SPADH: variants seen among roughly 807,000 people sequenced by gnomAD.
SPADH encodes CUB domain-containing protein.
chr10:122,678,402 G>A, the SPADH span, among the ~76,000 whole-genome samples: 1 of 152,208 alleles, frequency 6.6e-6, no homozygotes, highest in Non-Finnish European at 1.5e-5. Flanking sequence ...AAGGAAGGCA[G>A]GAACCAGGGA....
At chr10:122,677,003 C>T in the SPADH span, 1 of 707,824 alleles carries the variant, frequency 1.4e-6, no homozygotes, top group Non-Finnish European at 1.7e-6. Context: ...CCATTTGACA[C>T]ACAATTTGAC....
At chr10:122,675,267 C>G in the SPADH span, among the ~76,000 whole-genome samples, 2 of 152,114 alleles carry the variant, frequency 1.3e-5, no homozygotes, top group Admixed American at 6.5e-5. Flanking sequence ...AGGAATGTCT[C>G]GGATAATTCA....
chr10:122,677,233 C>T, the SPADH span, among the ~76,000 whole-genome samples: 4 of 152,146 alleles, frequency 2.6e-5, no homozygotes, highest in Non-Finnish European at 4.4e-5. Context: ...CACACCTGCC[C>T]TCTGCCTGGA....
the SPADH span, among the ~76,000 whole-genome samples, chr10:122,677,992 T>C: frequency 1.3e-5 from 2 of 152,178 alleles, no homozygotes; most frequent in Non-Finnish European, 2.9e-5. Context: ...TCCCATATTG[T>C]CCCTTTGTCC....
the SPADH span, chr10:122,672,869 G>A: frequency 2.0e-6 from 2 of 985,324 alleles, no homozygotes; most frequent in South Asian, 9.4e-5. Context: ...GTTGGTGCCA[G>A]GCCCTGCTGA....
At chr10:122,677,430 A>G in the SPADH span, among the ~76,000 whole-genome samples, 2,110 of 152,270 alleles carry the variant, frequency 0.014, 42 homozygotes, top group African/African-American at 0.049. Flanking sequence ...TCTACACTGA[A>G]TTTATAGTGT....
chr10:122,676,720 CCCTGCAGTG>C, the SPADH span: 1 of 985,376 alleles, frequency 1.0e-6, no homozygotes, highest in South Asian at 4.7e-5. Flanking sequence ...CCTAGAGCAT[CCCTGCAGTG>C]CCTGGGCCCC....
the SPADH span, among the ~76,000 whole-genome samples, chr10:122,678,507 T>C: frequency 6.6e-6 from 1 of 152,158 alleles, no homozygotes; most frequent in Admixed American, 6.5e-5. Context: ...ATTCCCTGTT[T>C]GGGGAACTTG....
At chr10:122,673,735 C>T in the SPADH span, among the ~76,000 whole-genome samples, 2 of 152,120 alleles carry the variant, frequency 1.3e-5, no homozygotes, top group African/African-American at 4.8e-5. Context: ...TTGTTTCCTA[C>T]TCTCGTCACT....
chr10:122,672,899 C>T, the SPADH span: 11 of 985,356 alleles, frequency 1.1e-5, no homozygotes, highest in African/African-American at 1.7e-5. Flanking sequence ...TGTCCAGAGC[C>T]TTCGCTTGGC....
At chr10:122,675,561 A>G in the SPADH span, 6 of 453,902 alleles carry the variant, frequency 1.3e-5, no homozygotes, top group Non-Finnish European at 1.7e-5. Flanking sequence ...TTCACAGTGT[A>G]GTCATTTTCC....
At chr10:122,675,420 T>C in the SPADH span, among the ~76,000 whole-genome samples, 1 of 152,166 alleles carries the variant, frequency 6.6e-6, no homozygotes, top group Non-Finnish European at 1.5e-5. Flanking sequence ...TGAGAGCCGA[T>C]GCTTCCTTCC....
chr10:122,679,224 A>G, the SPADH span, among the ~76,000 whole-genome samples: 1 of 152,102 alleles, frequency 6.6e-6, no homozygotes, highest in Non-Finnish European at 1.5e-5. Flanking sequence ...CCTTCCAGAA[A>G]AAGGTACGGG....
the SPADH span, among the ~76,000 whole-genome samples, chr10:122,677,559 T>C: frequency 2.0e-5 from 3 of 152,238 alleles, no homozygotes; most frequent in Non-Finnish European, 4.4e-5. Context: ...GCATTTCCAA[T>C]GCAGCCTAAG....
chr10:122,676,279 C>A, the SPADH span, among the ~76,000 whole-genome samples: 2 of 152,192 alleles, frequency 1.3e-5, no homozygotes, highest in African/African-American at 2.4e-5. Context: ...TCTTTTCATC[C>A]TCAGTCACAC....
At chr10:122,678,246 T>G in the SPADH span, among the ~76,000 whole-genome samples, 4 of 152,102 alleles carry the variant, frequency 2.6e-5, no homozygotes, top group Non-Finnish European at 5.9e-5. Context: ...TAGGGAGGTC[T>G]CCTAGGACTG....
chr10:122,674,503 C>G, the SPADH span, among the ~76,000 whole-genome samples: 3 of 152,244 alleles, frequency 2.0e-5, no homozygotes, highest in Non-Finnish European at 4.4e-5. Flanking sequence ...TCTGGGGAAT[C>G]GTGATTTATT....
At chr10:122,676,670 A>C in the SPADH span, 4 of 955,594 alleles carry the variant, frequency 4.2e-6, no homozygotes, top group Non-Finnish European at 5.0e-6. Flanking sequence ...GAGAATCAGT[A>C]ATAACAGGGG....
the SPADH span, chr10:122,679,134 C>A: frequency 2.3e-6 from 1 of 427,980 alleles, no homozygotes; most frequent in Non-Finnish European, 3.1e-6. Flanking sequence ...GAGGCTATAC[C>A]TGGGACTGCA....
Sources: gnomAD v4.1 joint callset for allele counts (sites outside exome capture counted in the v4.1 genomes callset) on GRCh38, gnomAD v4.1.1 for gene constraint, MANE v1.5 for transcripts, NCBI Gene and HGNC (gene_info 2026-07-23, HGNC 2026-07-21) for gene names.